LRBA: variants seen among roughly 807,000 people sequenced by gnomAD.
The protein encoded by LRBA is LPS responsive beige-like anchor protein.
LRBA carries 176 observed loss-of-function variants against 330.0 expected under a neutral mutation model. That is an observed-to-expected ratio of 0.53 (90% CI 0.47 to 0.60). LRBA has a LOEUF of 0.60. Among genes scored for constraint, LRBA ranks in the 20% least tolerant of loss-of-function variants. LRBA has a pLI of 0.00. For missense variants in LRBA, 3,259 were observed against 3,444.8 expected, an observed-to-expected ratio of 0.95 and a Z score of 1.35; for synonymous variants, 1,230 against 1,193.0, an observed-to-expected ratio of 1.03 and a Z score of -0.64.
chr4:150,953,193 T>C (rs1196228012), intron 2 of LRBA, among the ~76,000 whole-genome samples: 1 of 152,168 alleles, frequency 6.6e-6, no homozygotes, highest in African/African-American at 2.4e-5. Flanking sequence ...ATTTTAATAA[T>C]AGAACAACTC....
chr4:150,899,269 G>T (rs1048596336), intron 14 of LRBA, among the ~76,000 whole-genome samples: 3 of 152,194 alleles, frequency 2.0e-5, no homozygotes, highest in African/African-American at 7.2e-5. Context: ...CTGAATTTAA[G>T]TTGTTACGGA....
intron 36 of LRBA, among the ~76,000 whole-genome samples, chr4:150,720,112 A>T (rs1401925797): frequency 6.6e-6 from 1 of 152,154 alleles, no homozygotes; most frequent in African/African-American, 2.4e-5. Context: ...CAGAGAATGG[A>T]GAGGGAAATA....
intron 2 of LRBA, among the ~76,000 whole-genome samples, chr4:150,965,223 G>T (rs1485420051): frequency 6.6e-6 from 1 of 152,056 alleles, no homozygotes; most frequent in African/African-American, 2.4e-5. Context: ...CAAAATACTG[G>T]AAACAACCCA....
intron 40 of LRBA, among the ~76,000 whole-genome samples, chr4:150,578,902 A>G (rs1377058060): frequency 6.6e-6 from 1 of 152,248 alleles, no homozygotes; most frequent in Non-Finnish European, 1.5e-5. Context: ...AAGCATGCCA[A>G]TGTTGGCACT....
intron 22 of LRBA, among the ~76,000 whole-genome samples, chr4:150,860,862 A>T (rs1751831890): frequency 6.6e-6 from 1 of 152,156 alleles, no homozygotes. Context: ...ATAGTCATGC[A>T]TCACTTAATC....
intron 2 of LRBA, among the ~76,000 whole-genome samples, chr4:150,930,976 T>C (rs1579239301): frequency 6.6e-6 from 1 of 152,240 alleles, no homozygotes; most frequent in Non-Finnish European, 1.5e-5. Flanking sequence ...TCTATTATAC[T>C]ATGAAATATT....
chr4:150,310,290 GTT>G lies in LRBA; in HGVS notation c.7786_7787del (p.Asn2596ProfsTer11). On this transcript the variant is annotated frameshift_variant, in exon 52 of 57. Coordinates refer to ENST00000651943, the MANE Select transcript of LRBA (RefSeq NM_001364905.1). LOFTEE classifies it high-confidence loss of function. Reference sequence around the variant, plus strand: ...AGAAGCCACAGACGAGAATATAGCGGTTGTCTGAAGTGATGACAAAGCACTGG... The same window carrying G: ...AGAAGCCACAGACGAGAATATAGCGGGTCTGAAGTGATGACAAAGCACTGG... ...HSQCFVITSD[N>X]RYILVCGFWD... is the part of the protein sequence containing the mutation. 6.2e-7 allele frequency: 1 copy of G among 1,611,958 alleles called. No homozygotes were observed. Among genetic ancestry groups the G allele is most frequent in the Non-Finnish European group, 8.5e-7 (1 of 1,178,190 alleles).
rs1738241463 is a variant in LRBA at position 150,962,373 on chromosome 4, C to T, written c.217-33308G>A. ...TTTCTACAAAAAAATGCAAAATTAG[C>T]TGGGCATGGTGGTGCTCACCTATGA... On this transcript the variant is annotated intron_variant, in intron 2 of 56. Transcript: ENST00000651943. Among the ~76,000 whole-genome samples, 3 of 149,076 alleles carry T rather than the reference C, an allele frequency of 2.0e-5. 1 individual carries two copies. Among genetic ancestry groups the T allele is most frequent in the African/African-American group, 7.8e-5 (3 of 38,496 alleles).
intron 18 of LRBA, 41 bp from the exon 19 acceptor site, chr4:150,871,494 T>C (rs890997369): frequency 2.5e-6 from 3 of 1,206,630 alleles, no homozygotes; most frequent in Non-Finnish European, 3.7e-6. Context: ...GTAGAGCTTT[T>C]CTGTGCTCTA....
intron 44 of LRBA, among the ~76,000 whole-genome samples, chr4:150,445,405 A>G (rs1752498859): frequency 7.0e-6 from 1 of 143,034 alleles, no homozygotes; most frequent in Non-Finnish European, 1.5e-5. Flanking sequence ...ATATATATAT[A>G]TATATACATA....
intron 37 of LRBA, among the ~76,000 whole-genome samples, chr4:150,604,593 C>T (rs763215490): frequency 1.3e-5 from 2 of 151,956 alleles, no homozygotes; most frequent in Non-Finnish European, 2.9e-5. Flanking sequence ...ATGGAAAAGG[C>T]AGATGCAAAA....
In LRBA at chr4:150,964,447, G is replaced by A. The variant is rs938594939; in HGVS notation, c.217-35382C>T. Among the ~76,000 whole-genome samples, 6 of 149,916 alleles carry A rather than the reference G, an allele frequency of 4.0e-5. No individual in the cohort carries two copies. The East Asian group carries it at 1.2e-3, about 29-fold the overall frequency. On this transcript the variant is annotated intron_variant, in intron 2 of 56. Coordinates refer to ENST00000651943, the MANE Select transcript of LRBA (RefSeq NM_001364905.1). ...TATTGTGTCTGTGTGGAAAGAAGTAGACATAGGAGACTCCATTTCATTCTG... is the reference window on the plus strand; with the variant it reads ...TATTGTGTCTGTGTGGAAAGAAGTAAACATAGGAGACTCCATTTCATTCTG...
chr4:151,004,602 C>A (rs536626804), intron 2 of LRBA, among the ~76,000 whole-genome samples: 1 of 152,186 alleles, frequency 6.6e-6, no homozygotes, highest in Admixed American at 6.5e-5. Flanking sequence ...TAACATGTGA[C>A]TAAGGCAGGG....
chr4:150,954,424 A>G (rs1205950835), intron 2 of LRBA, among the ~76,000 whole-genome samples: 2 of 152,200 alleles, frequency 1.3e-5, no homozygotes, highest in African/African-American at 4.8e-5. Context: ...TGTACTAGGA[A>G]AAATTCTTCT....
chr4:150,695,935 T>C (rs1350512027), intron 36 of LRBA, among the ~76,000 whole-genome samples: 3 of 152,130 alleles, frequency 2.0e-5, no homozygotes, highest in African/African-American at 7.2e-5. Context: ...AATCTTACAC[T>C]TAAATATCAA....
intron 37 of LRBA, among the ~76,000 whole-genome samples, chr4:150,656,695 T>G (rs1463631296): frequency 6.6e-6 from 1 of 152,184 alleles, no homozygotes; most frequent in Non-Finnish European, 1.5e-5. Flanking sequence ...AATAAATGTT[T>G]ATTGGGCACT....
intron 37 of LRBA, among the ~76,000 whole-genome samples, chr4:150,629,956 G>C (rs1317137813): frequency 6.6e-6 from 1 of 152,106 alleles, no homozygotes; most frequent in East Asian, 1.9e-4. Flanking sequence ...GGCAACAAGA[G>C]CAAAACTCAG....
chr4:150,943,691 G>T (rs1185297849), intron 2 of LRBA, among the ~76,000 whole-genome samples: 1 of 151,954 alleles, frequency 6.6e-6, no homozygotes, highest in African/African-American at 2.4e-5. Context: ...AAGTTAGTAA[G>T]TAAACAAAAA....
intron 36 of LRBA, among the ~76,000 whole-genome samples, chr4:150,719,355 T>C (rs1217371163): frequency 1.3e-5 from 2 of 151,968 alleles, no homozygotes; most frequent in African/African-American, 2.4e-5. Flanking sequence ...TCTTAACCCA[T>C]AGTTACAACA....
Sources: gnomAD v4.1 joint callset for allele counts (sites outside exome capture counted in the v4.1 genomes callset) on GRCh38, gnomAD v4.1.1 for gene constraint, MANE v1.5 for transcripts, NCBI Gene and HGNC (gene_info 2026-07-23, HGNC 2026-07-21) for gene names.